Variants in NOX4 observed in about 807,000 individuals in gnomAD.
NOX4 encodes kidney oxidase-1.
Under a neutral mutation model 87.6 loss-of-function variants are expected in NOX4, and 69 were observed. The observed-to-expected ratio is 0.79, with a 90% CI of 0.65 to 0.96. The LOEUF is 0.96. NOX4 is among the 40% of genes least tolerant of loss of function. NOX4 has a pLI of 0.00. For synonymous variants in NOX4, 275 were observed against 238.2 expected (o/e 1.15, Z -1.42); for missense variants, 680 against 681.5 (o/e 1.00, Z 0.02).
chr11:89,522,937 A>C, the NOX4 span, among the ~76,000 whole-genome samples: 1 of 152,212 alleles, frequency 6.6e-6, no homozygotes, highest in African/African-American at 2.4e-5. Flanking sequence ...ACCATCACTT[A>C]CAACAAACTT....
At chr11:89,430,394 G>C (rs530483041) in intron 7 of NOX4, among the ~76,000 whole-genome samples, 1 of 152,116 alleles carries the variant, frequency 6.6e-6, no homozygotes, top group East Asian at 1.9e-4. Flanking sequence ...TATTCAATTA[G>C]GAAAAAAGGA....
At chr11:89,397,276 CAA>C (rs1293766135) in intron 11 of NOX4, among the ~76,000 whole-genome samples, 1 of 152,056 alleles carries the variant, frequency 6.6e-6, no homozygotes, top group East Asian at 1.9e-4. Flanking sequence ...CCAATGAGAA[CAA>C]AGACACAATA....
At chr11:89,482,344 T>C (rs1267568127) in intron 2 of NOX4, among the ~76,000 whole-genome samples, 1 of 152,142 alleles carries the variant, frequency 6.6e-6, no homozygotes, top group Non-Finnish European at 1.5e-5. Context: ...AAAGTTGGTA[T>C]TTGTACCAAG....
chr11:89,569,371 TA>T, the NOX4 span, among the ~76,000 whole-genome samples: 20 of 151,904 alleles, frequency 1.3e-4, no homozygotes, highest in African/African-American at 4.8e-4. Flanking sequence ...AAAACCAAAA[TA>T]ACCCTATTAA....
intron 8 of NOX4, among the ~76,000 whole-genome samples, chr11:89,403,146 T>C (rs1406727190): frequency 2.0e-5 from 3 of 152,164 alleles, no homozygotes; most frequent in African/African-American, 4.8e-5. Flanking sequence ...TTCAAAATAA[T>C]AAATCAGGCA....
At chr11:89,389,979 C>T (rs986704045) in intron 11 of NOX4, among the ~76,000 whole-genome samples, 1 of 152,088 alleles carries the variant, frequency 6.6e-6, no homozygotes, top group Admixed American at 6.6e-5. Flanking sequence ...ACCTCTTAGG[C>T]ACTTAATTAG....
chr11:89,369,380 CA>C (rs199977301), intron 12 of NOX4, among the ~76,000 whole-genome samples: 1 of 151,642 alleles, frequency 6.6e-6, no homozygotes, highest in Non-Finnish European at 1.5e-5. Context: ...AAAACATCTC[CA>C]AAAAAAATGA....
chr11:89,419,644 A>G (rs1942981130), intron 8 of NOX4, among the ~76,000 whole-genome samples: 2 of 151,854 alleles, frequency 1.3e-5, no homozygotes, highest in Admixed American at 6.6e-5. Context: ...TTGATTGATT[A>G]TATATAATTC....
In NOX4 at chr11:89,400,315, C is replaced by T. The variant is rs558543079; in HGVS notation, c.911G>A (p.Arg304Gln). 9.3e-6 allele frequency: 15 copies of T among 1,612,858 alleles called. No individual in the cohort carries two copies. The highest frequency in any genetic ancestry group is 7.7e-5 in the South Asian group (7 of 91,020). ...AATGATGGTGACTGGCTTATTGCTC[C>T]GGATATACCTGTAAAGTCTTTCGGC... ...YCAERLYRYIRSNKPVTIISV... is the reference protein window; with the variant it reads ...YCAERLYRYIQSNKPVTIISV... The change falls in exon 10 of 18, where the codon CGG (arginine) becomes CAG (glutamine). Residue 304 changes from arginine (R) to glutamine (Q), a missense_variant. Physicochemically the swap from Arg to Gln is conservative, Grantham distance 43 (BLOSUM62 1). Transcript: ENST00000263317.
At chr11:89,445,992 A>G (rs1407233197) in intron 4 of NOX4, among the ~76,000 whole-genome samples, 2 of 152,168 alleles carry the variant, frequency 1.3e-5, no homozygotes. Context: ...ATCAAAATAT[A>G]CAAAGAACAC....
intron 2 of NOX4, among the ~76,000 whole-genome samples, chr11:89,484,039 G>A (rs1946493207): frequency 6.6e-6 from 1 of 152,092 alleles, no homozygotes. Flanking sequence ...TACTATGGAT[G>A]AGAGAATTAA....
chr11:89,450,360 A>G (rs1168544362), intron 3 of NOX4, among the ~76,000 whole-genome samples: 2 of 152,220 alleles, frequency 1.3e-5, no homozygotes, highest in Non-Finnish European at 2.9e-5. Flanking sequence ...ATCTCAAGTT[A>G]ACAACTCCTT....
At chr11:89,386,094 G>A (rs974949295) in intron 11 of NOX4, among the ~76,000 whole-genome samples, 1 of 152,050 alleles carries the variant, frequency 6.6e-6, no homozygotes, top group Non-Finnish European at 1.5e-5. Context: ...AACTTAAAAA[G>A]GAATGGACAA....
the NOX4 span, among the ~76,000 whole-genome samples, chr11:89,540,333 C>T: frequency 2.0e-5 from 3 of 152,054 alleles, no homozygotes; most frequent in Non-Finnish European, 4.4e-5. Context: ...TTTCATCCTC[C>T]GAGTCATTCT....
the NOX4 span, among the ~76,000 whole-genome samples, chr11:89,517,002 T>TCTC: frequency 0.52 from 78,528 of 151,288 alleles, 21,062 homozygotes; most frequent in African/African-American, 0.65. Context: ...CTCCTGCTCT[T>TCTC]CTCCTCATTC....
At chr11:89,562,595 T>C in the NOX4 span, among the ~76,000 whole-genome samples, 1 of 152,112 alleles carries the variant, frequency 6.6e-6, no homozygotes, top group Non-Finnish European at 1.5e-5. Flanking sequence ...CTGATACTGG[T>C]TTTTCATCCT....
the NOX4 span, chr11:89,545,485 AT>A: frequency 9.2e-5 from 14 of 152,208 alleles, no homozygotes; most frequent in African/African-American, 3.1e-4. Flanking sequence ...TACACAAAAA[AT>A]ATAAGTAAAT....
chr11:89,385,303 A>C (rs1940618586), intron 11 of NOX4, among the ~76,000 whole-genome samples: 1 of 152,208 alleles, frequency 6.6e-6, no homozygotes, highest in Non-Finnish European at 1.5e-5. Context: ...CATTCACTGC[A>C]AGGGTCATCA....
chr11:89,333,563 A>C (rs1469342229), intron 17 of NOX4, among the ~76,000 whole-genome samples: 4 of 151,776 alleles, frequency 2.6e-5, no homozygotes, highest in Non-Finnish European at 5.9e-5. Context: ...CCTAATGCCT[A>C]CTGGTTTAAT....
Sources: gnomAD v4.1 joint callset for allele counts (sites outside exome capture counted in the v4.1 genomes callset) on GRCh38, gnomAD v4.1.1 for gene constraint, MANE v1.5 for transcripts, NCBI Gene and HGNC (gene_info 2026-07-23, HGNC 2026-07-21) for gene names.